The following CAMKMT variants were observed in gnomAD, a reference collection of about 807,000 sequenced individuals.
CAMKMT encodes the protein CaM KMT.
In CAMKMT, 53 loss-of-function variants were observed where a neutral mutation model predicts 48.0. The ratio of observed to expected loss-of-function variants is 1.10; its 90% CI spans 0.89 to 1.39. The LOEUF is 1.39. Ranked by LOEUF, CAMKMT falls within the 40% of genes most tolerant of loss-of-function variation. The pLI, the probability that CAMKMT is intolerant of heterozygous loss-of-function variation, is 0.00. For missense variants in CAMKMT, 428 were observed against 402.7 expected, an observed-to-expected ratio of 1.06 and a Z score of -0.54; for synonymous variants, 165 against 152.3, an observed-to-expected ratio of 1.08 and a Z score of -0.61.
intron 3 of CAMKMT, among the ~76,000 whole-genome samples, chr2:44,491,957 T>A (rs1191070847): frequency 2.0e-5 from 3 of 152,222 alleles, no homozygotes; most frequent in African/African-American, 7.2e-5. Flanking sequence ...TATTACTGAT[T>A]TACCTTAAAT....
chr2:44,448,292 A>G (rs1473006932), intron 3 of CAMKMT, among the ~76,000 whole-genome samples: 2 of 152,188 alleles, frequency 1.3e-5, no homozygotes, highest in Admixed American at 1.3e-4. Flanking sequence ...AAATCCACAT[A>G]TAAGTGTATC....
chr2:44,642,080 C>A (rs1024681520), intron 3 of CAMKMT, among the ~76,000 whole-genome samples: 17 of 152,192 alleles, frequency 1.1e-4, no homozygotes, highest in African/African-American at 3.1e-4. Context: ...TGTATTTTAT[C>A]ATACAGACAT....
intron 3 of CAMKMT, among the ~76,000 whole-genome samples, chr2:44,451,719 G>A (rs376470823): frequency 6.6e-6 from 1 of 150,954 alleles, no homozygotes; most frequent in Non-Finnish European, 1.5e-5. Flanking sequence ...TCTATTTTAC[G>A]TGGCTAGATA....
chr2:44,629,361 A>G (rs935632947), intron 3 of CAMKMT, among the ~76,000 whole-genome samples: 6 of 151,696 alleles, frequency 4.0e-5, no homozygotes, highest in Non-Finnish European at 4.4e-5. Context: ...TAGTGTGCAC[A>G]TGGCATATCT....
At chr2:44,710,186 A>C (rs571756318) in intron 6 of CAMKMT, among the ~76,000 whole-genome samples, 1 of 151,936 alleles carries the variant, frequency 6.6e-6, no homozygotes, top group South Asian at 2.1e-4. Context: ...GAGGCAATGA[A>C]TGGATTGGTT....
In CAMKMT at chr2:44,715,370, C is replaced by T; in HGVS notation, c.623+17C>T. 1 of 1,591,356 alleles carries T rather than the reference C, an allele frequency of 6.3e-7. No individual in the cohort carries two copies. Among genetic ancestry groups the T allele is most frequent in the Non-Finnish European group, 8.6e-7 (1 of 1,164,266 alleles). On this transcript the variant is annotated intron_variant, in intron 7 of 10. Coordinates refer to ENST00000378494, the MANE Select transcript of CAMKMT (RefSeq NM_024766.5). ...ATCAAGCTGGTAAGATACCTTTCTG[C>T]ATTAAAAAATTCCCATTGAAATTGC...
intron 7 of CAMKMT, among the ~76,000 whole-genome samples, chr2:44,730,886 A>T (rs1679045276): frequency 1.3e-5 from 2 of 152,252 alleles, no homozygotes; most frequent in Admixed American, 6.5e-5. Context: ...TCTGTAAAGA[A>T]TGCCTATAAT....
intron 3 of CAMKMT, among the ~76,000 whole-genome samples, chr2:44,439,981 A>G (rs1016528411): frequency 9.9e-5 from 15 of 152,176 alleles, no homozygotes; most frequent in African/African-American, 3.6e-4. Flanking sequence ...CAAAGGTCTC[A>G]TTGGCAGGCT....
intron 1 of CAMKMT, among the ~76,000 whole-genome samples, chr2:44,363,242 A>G (rs1678155851): frequency 6.6e-6 from 1 of 152,232 alleles, no homozygotes; most frequent in African/African-American, 2.4e-5. Context: ...ATGGTATTAC[A>G]GGATAAGAAA....
chr2:44,634,765 T>C (rs972259407), intron 3 of CAMKMT, among the ~76,000 whole-genome samples: 1 of 129,100 alleles, frequency 7.7e-6, no homozygotes, highest in Non-Finnish European at 1.5e-5. Context: ...GCAACTAGTC[T>C]GGTTTTATAG....
At position 44,443,939 on chromosome 2, in the gene CAMKMT, C is replaced by G. The variant is rs956756852; in HGVS notation, c.376+53634C>G. On this transcript the variant is annotated intron_variant, in intron 3 of 10. Coordinates refer to ENST00000378494, the MANE Select transcript of CAMKMT (RefSeq NM_024766.5). ...AACAAATAAAGAAAAAGTGCAAAGG[C>G]TTTTAAATGTCTTGTACAATTTTAT... 2.0e-5 allele frequency among the ~76,000 whole-genome samples: 3 copies of G among 152,100 alleles called. No homozygotes were observed. The East Asian group carries it at 5.8e-4, about 29-fold the overall frequency.
intron 3 of CAMKMT, among the ~76,000 whole-genome samples, chr2:44,691,826 G>A (rs147785753): frequency 9.9e-5 from 15 of 152,254 alleles, no homozygotes; most frequent in African/African-American, 3.6e-4. Context: ...TCCCTGGGCA[G>A]CATCAACGTT....
intron 3 of CAMKMT, among the ~76,000 whole-genome samples, chr2:44,440,044 T>TA (rs1572879918): frequency 6.6e-6 from 1 of 152,194 alleles, no homozygotes; most frequent in Non-Finnish European, 1.5e-5. Flanking sequence ...TATGGCTTCT[T>TA]ATGGCGCAGG....
chr2:44,686,833 AG>A (rs754996931), intron 3 of CAMKMT, among the ~76,000 whole-genome samples: 4 of 152,262 alleles, frequency 2.6e-5, no homozygotes, highest in Non-Finnish European at 4.4e-5. Flanking sequence ...TCAGAAAGAG[AG>A]GAGAATTTAA....
intron 3 of CAMKMT, chr2:44,676,503 C>T (rs1675697245): frequency 1.3e-5 from 2 of 152,296 alleles, no homozygotes; most frequent in South Asian, 4.1e-4. Context: ...ACCTCTGAGT[C>T]ATCCTTAAGC....
intron 3 of CAMKMT, among the ~76,000 whole-genome samples, chr2:44,605,275 C>G (rs377385139): frequency 1.3e-5 from 2 of 152,162 alleles, no homozygotes; most frequent in African/African-American, 4.8e-5. Flanking sequence ...GCCCTCTTCA[C>G]ATTTTTTATC....
chr2:44,717,219 GA>G (rs1422922281), intron 7 of CAMKMT, among the ~76,000 whole-genome samples: 1 of 152,064 alleles, frequency 6.6e-6, no homozygotes, highest in East Asian at 1.9e-4. Context: ...TAGTCATATA[GA>G]AACCTCCAAG....
intron 3 of CAMKMT, among the ~76,000 whole-genome samples, chr2:44,488,985 C>G (rs939459317): frequency 1.3e-5 from 2 of 151,768 alleles, no homozygotes. Context: ...CCTGTCCCCC[C>G]GTCCTGAGGA....
intron 3 of CAMKMT, among the ~76,000 whole-genome samples, chr2:44,596,282 C>G (rs1572885177): frequency 6.6e-6 from 1 of 151,804 alleles, no homozygotes; most frequent in Non-Finnish European, 1.5e-5. Flanking sequence ...AACCCTGTCT[C>G]TACCAAAAAA....
Sources: allele counts gnomAD v4.1 joint callset (sites outside exome capture counted in the v4.1 genomes callset), GRCh38; gene constraint gnomAD v4.1.1; transcripts MANE v1.5; gene names NCBI Gene and HGNC (gene_info 2026-07-23, HGNC 2026-07-21).